The following AMBRA1 variants were observed in gnomAD, a reference collection of about 807,000 sequenced individuals.
The protein encoded by AMBRA1 is autophagy and beclin 1 regulator 1, also known as activating molecule in BECN1-regulated autophagy protein 1.
A neutral mutation model predicts 125.4 loss-of-function variants in AMBRA1; 47 were observed. The observed-to-expected ratio is 0.37, with a 90% CI of 0.30 to 0.48. AMBRA1 has a LOEUF of 0.48. Ranked by LOEUF, AMBRA1 falls within the 20% of genes least tolerant of loss-of-function variation. AMBRA1 has a pLI of 0.99. For missense variants in AMBRA1, 1,331 were observed against 1,693.4 expected, an observed-to-expected ratio of 0.79 and a Z score of 3.76; for synonymous variants, 626 against 655.5, an observed-to-expected ratio of 0.95 and a Z score of 0.69.
At chr11:46,432,683 C>CAAA (rs1247662859) in intron 14 of AMBRA1, among the ~76,000 whole-genome samples, 1 of 152,080 alleles carries the variant, frequency 6.6e-6, no homozygotes, top group Non-Finnish European at 1.5e-5. Flanking sequence ...CTAAAGAAGA[C>CAAA]AAAAAATGGA....
chr11:46,559,225 G>A (rs536936985), intron 1 of AMBRA1, among the ~76,000 whole-genome samples: 9 of 151,990 alleles, frequency 5.9e-5, no homozygotes, highest in South Asian at 2.1e-4. Flanking sequence ...GCTTGAACTC[G>A]GGAGGCAGAG....
chr11:46,396,598 T>A lies in AMBRA1; in HGVS notation c.*852A>T, dbSNP rs1945475514. The A allele has an allele frequency of 6.6e-6, 1 of 152,634 alleles. No homozygotes were observed. The highest frequency in any genetic ancestry group is 2.1e-4 in the South Asian group (1 of 4,836). 9.5% of individuals were successfully genotyped at this position (152,634 alleles called of 1,614,324 possible). ...CTCCACTAGAAACTACACGTACAGT[T>A]AAGAGTCCACATGCAACACCTTAAA... On this transcript the variant is annotated 3_prime_UTR_variant, in exon 18 of 18. Transcript: ENST00000683756.
chr11:46,544,143 T>C, intron 5 of AMBRA1, 102 bp from the exon 6 acceptor site: 1 of 881,540 alleles, frequency 1.1e-6, no homozygotes, highest in Non-Finnish European at 1.8e-6. Flanking sequence ...TACTGATAAC[T>C]GGTATCACTC....
intron 11 of AMBRA1, among the ~76,000 whole-genome samples, chr11:46,473,185 T>C (rs1035888213): frequency 2.0e-5 from 3 of 152,228 alleles, no homozygotes; most frequent in African/African-American, 4.8e-5. Flanking sequence ...AATTGACAAG[T>C]AGTGCCAAAG....
chr11:46,592,472 C>G (rs1034316868), intron 1 of AMBRA1, among the ~76,000 whole-genome samples: 12 of 152,044 alleles, frequency 7.9e-5, no homozygotes, highest in Non-Finnish European at 1.6e-4. Context: ...TCAAATACAA[C>G]AAAACTGGGC....
At chr11:46,461,664 G>A (rs1369415836) in intron 11 of AMBRA1, among the ~76,000 whole-genome samples, 1 of 152,224 alleles carries the variant, frequency 6.6e-6, no homozygotes, top group Non-Finnish European at 1.5e-5. Context: ...TATGCCCACA[G>A]AAACATGTCC....
intron 11 of AMBRA1, among the ~76,000 whole-genome samples, chr11:46,448,147 T>C (rs1012623052): frequency 6.6e-6 from 1 of 152,206 alleles, no homozygotes; most frequent in African/African-American, 2.4e-5. Context: ...CTAGGCCCTA[T>C]ACTATTTGGC....
At chr11:46,522,146 G>C (rs544539785) in intron 7 of AMBRA1, among the ~76,000 whole-genome samples, 1 of 152,162 alleles carries the variant, frequency 6.6e-6, no homozygotes, top group Non-Finnish European at 1.5e-5. Flanking sequence ...CAAAAGTCTC[G>C]TCTGAGAAGT....
intron 9 of AMBRA1, among the ~76,000 whole-genome samples, chr11:46,501,187 G>A (rs994911782): frequency 5.9e-5 from 9 of 152,296 alleles, no homozygotes; most frequent in Admixed American, 2.0e-4. Flanking sequence ...GTATAATGTT[G>A]ATGAGGGAAA....
chr11:46,446,615 G>T (rs756587160), intron 11 of AMBRA1, among the ~76,000 whole-genome samples: 2 of 152,148 alleles, frequency 1.3e-5, no homozygotes, highest in Non-Finnish European at 2.9e-5. Flanking sequence ...CTTGTGCATC[G>T]CAGAACATTT....
intron 1 of AMBRA1, among the ~76,000 whole-genome samples, chr11:46,573,667 T>TC (rs1272849986): frequency 2.0e-5 from 3 of 150,966 alleles, no homozygotes; most frequent in South Asian, 2.1e-4. Flanking sequence ...CTTTTTCTTT[T>TC]TTTTTTTTTT....
At chr11:46,434,039 C>T (rs999682785) in intron 13 of AMBRA1, among the ~76,000 whole-genome samples, 8 of 141,718 alleles carry the variant, frequency 5.6e-5, no homozygotes, top group Non-Finnish European at 1.1e-4. Flanking sequence ...CGCTTGAACC[C>T]GGGAGGTAGA....
At chr11:46,573,666 T>TC (rs1214731145) in intron 1 of AMBRA1, among the ~76,000 whole-genome samples, 3 of 149,720 alleles carry the variant, frequency 2.0e-5, no homozygotes, top group Admixed American at 6.6e-5. Context: ...CCTTTTTCTT[T>TC]TTTTTTTTTT....
rs1182058382 is a variant in AMBRA1, at chr11:46,445,561, T to C, written c.2522-1963A>G. Among the ~76,000 whole-genome samples the C allele has an allele frequency of 2.0e-5, 3 of 152,208 alleles. No homozygotes were observed. The East Asian group carries it at 5.8e-4, about 29-fold the overall frequency. On this transcript the variant is annotated intron_variant, in intron 11 of 17. Coordinates refer to ENST00000683756, the MANE Select transcript of AMBRA1 (RefSeq NM_001387011.1). ...CCTGAACGACTTTATTAAAAGGAAC[T>C]TTCTTGATTTTTCTATGCCTCTTTG...
chr11:46,407,009 T>A (rs1046119711), intron 17 of AMBRA1, among the ~76,000 whole-genome samples: 8 of 151,524 alleles, frequency 5.3e-5, no homozygotes, highest in African/African-American at 1.9e-4. Context: ...TGAAACCCTG[T>A]CTCTACTAAA....
rs1952788416 is a variant in AMBRA1, at chr11:46,542,307, A to G, written c.1710T>C (p.Ala570=). The change falls in exon 7 of 18, where the codon GCT becomes GCC. Residue 570 remains alanine, a synonymous_variant. Coordinates refer to ENST00000683756, the MANE Select transcript of AMBRA1 (RefSeq NM_001387011.1). The surrounding 1 kb of genome is among the most constrained non-coding windows in gnomAD (Gnocchi z 5.9). ...TGTTGAAGGTCAGGAGATTGTGGCAAGCACGACAGCGATTCAGGTGGCCAC... is the reference window on the plus strand; with the variant it reads ...TGTTGAAGGTCAGGAGATTGTGGCAGGCACGACAGCGATTCAGGTGGCCAC... ...LSRGHLNRCR[A]CHNLLTFNND... 6.2e-7 allele frequency: 1 copy of G among 1,614,002 alleles called. No individual in the cohort carries two copies. Among genetic ancestry groups the G allele is most frequent in the Admixed American group, 1.7e-5 (1 of 60,002 alleles).
chr11:46,525,705 C>T (rs1003960315), intron 7 of AMBRA1, among the ~76,000 whole-genome samples: 1 of 151,844 alleles, frequency 6.6e-6, no homozygotes, highest in Non-Finnish European at 1.5e-5. Context: ...GACCCGAGAT[C>T]GTGCCACTGC....
At chr11:46,584,793 C>T (rs1394880619) in intron 1 of AMBRA1, among the ~76,000 whole-genome samples, 1 of 152,042 alleles carries the variant, frequency 6.6e-6, no homozygotes, top group Non-Finnish European at 1.5e-5. Context: ...AAATTGTTGC[C>T]AGGCTCAGTG....
rs576433839 is a variant in AMBRA1 at position 46,530,196 on chromosome 11, G to A, written c.2072+11749C>T. On this transcript the variant is annotated intron_variant, in intron 7 of 17. Transcript: ENST00000683756. ...ACGTATTTGCAGCACACATACAGACGTCACTGTAGTCCCCAAGTGCTCCAA... is the reference window on the plus strand; with the variant it reads ...ACGTATTTGCAGCACACATACAGACATCACTGTAGTCCCCAAGTGCTCCAA... 8.5e-4 allele frequency among the ~76,000 whole-genome samples: 130 copies of A among 152,266 alleles called. 1 individual carries two copies. Among genetic ancestry groups the A allele is most frequent in the Non-Finnish European group, 1.8e-3 (120 of 68,030 alleles).
Sources: gnomAD v4.1 joint callset for allele counts (sites outside exome capture counted in the v4.1 genomes callset) on GRCh38, gnomAD v4.1.1 for gene constraint, Gnocchi (gnomAD v3.1) non-coding constraint, MANE v1.5 for transcripts, NCBI Gene and HGNC (gene_info 2026-07-23, HGNC 2026-07-21) for gene names.